Variants in SYT14 observed in about 807,000 individuals in gnomAD.
SYT14 encodes synaptotagmin-14.
SYT14 carries 32 observed loss-of-function variants against 74.2 expected under a neutral mutation model. The observed-to-expected ratio is 0.43, with a 90% CI of 0.33 to 0.58. The LOEUF (loss-of-function observed/expected upper bound fraction) is 0.58. Ranked by LOEUF, SYT14 falls within the 20% of genes least tolerant of loss-of-function variation. The probability of loss-of-function intolerance (pLI) is 0.05; values close to 1 mark genes in which losing one functional copy is unlikely to be tolerated. For synonymous variants in SYT14, 298 were observed against 337.7 expected (o/e 0.88, Z 1.29); for missense variants, 791 against 981.8 (o/e 0.81, Z 2.60).
At chr1:210,078,771 G>A (rs1480909528) in intron 5 of SYT14, among the ~76,000 whole-genome samples, 1 of 149,912 alleles carries the variant, frequency 6.7e-6, no homozygotes, top group Non-Finnish European at 1.5e-5. Context: ...TTTTGAGACA[G>A]GGTCTTACCC....
At chr1:210,151,311 C>T (rs2083153186) in intron 7 of SYT14, among the ~76,000 whole-genome samples, 1 of 152,144 alleles carries the variant, frequency 6.6e-6, no homozygotes, top group Non-Finnish European at 1.5e-5. Flanking sequence ...CCTGAATATA[C>T]ACTGAATGGA....
intron 1 of SYT14, among the ~76,000 whole-genome samples, chr1:209,948,270 CTT>C (rs1284942590): frequency 6.6e-6 from 1 of 152,198 alleles, no homozygotes; most frequent in Non-Finnish European, 1.5e-5. Context: ...TAATGATCCT[CTT>C]GTGTATTTTT....
At chr1:210,001,359 A>G (rs1373791330) in intron 2 of SYT14, among the ~76,000 whole-genome samples, 2 of 151,950 alleles carry the variant, frequency 1.3e-5, no homozygotes, top group Non-Finnish European at 1.5e-5. Flanking sequence ...GATGAATTCT[A>G]TCAGTTGATT....
chr1:210,059,135 C>T (rs1329398949), intron 5 of SYT14, among the ~76,000 whole-genome samples: 1 of 151,646 alleles, frequency 6.6e-6, no homozygotes, highest in African/African-American at 2.4e-5. Flanking sequence ...GTTTTAAATT[C>T]TACTAGCTTT....
intron 5 of SYT14, among the ~76,000 whole-genome samples, chr1:210,072,552 A>G (rs2081414636): frequency 6.6e-6 from 1 of 152,052 alleles, no homozygotes; most frequent in Non-Finnish European, 1.5e-5. Flanking sequence ...ATAGTAGTGC[A>G]GTTTCTTAAT....
chr1:210,046,441 T>C (rs893520621), intron 5 of SYT14, among the ~76,000 whole-genome samples: 1 of 152,116 alleles, frequency 6.6e-6, no homozygotes, highest in African/African-American at 2.4e-5. Flanking sequence ...TTTGTAACTT[T>C]ACTGAATGGT....
At chr1:210,016,535 G>C (rs2080187566) in exon 4 of SYT14, 1 of 1,231,820 alleles carries the variant, frequency 8.1e-7, no homozygotes, top group Non-Finnish European at 1.0e-6. Flanking sequence ...TAAAACAATT[G>C]GAGTAGGAAT....
chr1:210,017,213 CTT>C, intron 4 of SYT14: 1 of 687,370 alleles, frequency 1.5e-6, no homozygotes, highest in Non-Finnish European at 2.0e-6. Context: ...ATATTTAAGA[CTT>C]TCTTGAATCC....
chr1:210,126,323 C>G (rs2082569511), intron 7 of SYT14, among the ~76,000 whole-genome samples: 1 of 150,032 alleles, frequency 6.7e-6, no homozygotes, highest in African/African-American at 2.5e-5. Context: ...GAGATAGGTA[C>G]TATTATCCTT....
chr1:210,002,622 GATCTA>G (rs2079921645), intron 2 of SYT14, among the ~76,000 whole-genome samples: 1 of 151,754 alleles, frequency 6.6e-6, no homozygotes, highest in Non-Finnish European at 1.5e-5. Flanking sequence ...CATATTACAA[GATCTA>G]AATTTTGGCC....
At chr1:210,007,038 CTG>C (rs1295048315) in intron 2 of SYT14, among the ~76,000 whole-genome samples, 4 of 151,642 alleles carry the variant, frequency 2.6e-5, no homozygotes, top group Admixed American at 6.6e-5. Context: ...TTTAGTAAGA[CTG>C]TAATTTTTTC....
chr1:210,056,321 C>A (rs1343302968), intron 5 of SYT14, among the ~76,000 whole-genome samples: 1 of 151,874 alleles, frequency 6.6e-6, no homozygotes, highest in African/African-American at 2.4e-5. Context: ...CCTCACCCCC[C>A]ACCAAAAAAA....
intron 2 of SYT14, among the ~76,000 whole-genome samples, chr1:209,994,827 G>T (rs1602289): frequency 0.14 from 21,154 of 152,158 alleles, 4,578 homozygotes; most frequent in African/African-American, 0.47. Context: ...GAAATTGGGG[G>T]CCTATTTTCA....
At chr1:209,982,202 C>T (rs1476782264) in intron 2 of SYT14, among the ~76,000 whole-genome samples, 2 of 152,142 alleles carry the variant, frequency 1.3e-5, no homozygotes, top group Non-Finnish European at 2.9e-5. Context: ...GTAACCCAAG[C>T]TGGAGTGCAG....
chr1:209,991,558 A>G (rs962546344), intron 2 of SYT14, among the ~76,000 whole-genome samples: 6 of 152,226 alleles, frequency 3.9e-5, no homozygotes, highest in Non-Finnish European at 7.3e-5. Context: ...CATCAGAGAA[A>G]TGCAAATTAA....
intron 5 of SYT14, among the ~76,000 whole-genome samples, chr1:210,021,788 A>G (rs1002376802): frequency 2.0e-5 from 3 of 152,190 alleles, no homozygotes; most frequent in East Asian, 1.9e-4. Context: ...ATATTATACC[A>G]TTCTTTAAAG....
chr1:210,117,944 AT>A (rs2102600855), intron 7 of SYT14, among the ~76,000 whole-genome samples: 1 of 152,330 alleles, frequency 6.6e-6, no homozygotes, highest in South Asian at 2.1e-4. Context: ...AGCCATCCAA[AT>A]GCTAATCCCT....
intron 2 of SYT14, among the ~76,000 whole-genome samples, chr1:209,986,175 A>C (rs1320167342): frequency 6.6e-6 from 1 of 152,230 alleles, no homozygotes; most frequent in Non-Finnish European, 1.5e-5. Context: ...CCCAGGCTGC[A>C]AATTTTCCAA....
chr1:210,125,131 C>G (rs536386844), intron 7 of SYT14, among the ~76,000 whole-genome samples: 1 of 151,742 alleles, frequency 6.6e-6, no homozygotes, highest in African/African-American at 2.4e-5. Context: ...CTGCATAATG[C>G]TGGAGTTTGA....
Sources: allele counts gnomAD v4.1 joint callset (sites outside exome capture counted in the v4.1 genomes callset), GRCh38; gene constraint gnomAD v4.1.1; transcripts MANE v1.5; gene names NCBI Gene and HGNC (gene_info 2026-07-23, HGNC 2026-07-21).